Variants in ADARB2 observed in about 807,000 individuals in gnomAD.
ADARB2 encodes adenosine deaminase RNA specific B2 (inactive).
ADARB2 carries 25 observed loss-of-function variants against 62.2 expected under a neutral mutation model. The observed-to-expected ratio is 0.40, with a 90% CI of 0.29 to 0.56. The LOEUF (loss-of-function observed/expected upper bound fraction) is 0.56, where lower values mean the gene tolerates loss of function less well. Among genes scored for constraint, ADARB2 ranks in the 20% least tolerant of loss-of-function variants. The pLI is 0.43. For missense variants in ADARB2, 1,071 were observed against 1,077.4 expected (o/e 0.99, Z 0.08); for synonymous variants, 572 against 500.8 (o/e 1.14, Z -1.90).
At chr10:1,729,469 C>A (rs965646759) in intron 1 of ADARB2, among the ~76,000 whole-genome samples, 2 of 152,122 alleles carry the variant, frequency 1.3e-5, no homozygotes, top group African/African-American at 4.8e-5. Context: ...GTGAACCCAG[C>A]CAGACTTGGG....
chr10:1,512,276 T>C (rs1831947121), intron 1 of ADARB2, among the ~76,000 whole-genome samples: 1 of 152,180 alleles, frequency 6.6e-6, no homozygotes, highest in African/African-American at 2.4e-5. Context: ...GCTTCTACAC[T>C]GGATACTAAG....
intron 4 of ADARB2, among the ~76,000 whole-genome samples, chr10:1,248,180 G>A (rs1027265533): frequency 2.0e-5 from 3 of 152,184 alleles, no homozygotes; most frequent in Non-Finnish European, 2.9e-5. Flanking sequence ...CAAACAGGAA[G>A]CTCTGGAGTG....
chr10:1,625,487 G>A (rs969024145), intron 1 of ADARB2, among the ~76,000 whole-genome samples: 2 of 152,150 alleles, frequency 1.3e-5, no homozygotes, highest in South Asian at 4.1e-4. Context: ...TGAACAGACG[G>A]CAGGGAATGT....
intron 3 of ADARB2, among the ~76,000 whole-genome samples, chr10:1,327,200 ACAGCGCCTCCTCACAGTT>A (rs1233530236): frequency 9.4e-6 from 1 of 106,200 alleles, no homozygotes; most frequent in African/African-American, 3.6e-5. Flanking sequence ...TCCCCAAGGC[ACAGCGCCTCCTCACAGTT>A]CAGCGCCTCC....
At chr10:1,651,252 C>T (rs887322484) in intron 1 of ADARB2, among the ~76,000 whole-genome samples, 4 of 152,372 alleles carry the variant, frequency 2.6e-5, no homozygotes, top group Admixed American at 6.5e-5. Context: ...TAGGAACCAC[C>T]CTGTGCTTAA....
chr10:1,315,851 C>A, intron 3 of ADARB2, among the ~76,000 whole-genome samples: 1 of 152,160 alleles, frequency 6.6e-6, no homozygotes, highest in East Asian at 1.9e-4. Flanking sequence ...ATGTAAAAAT[C>A]AATAACTGGA....
chr10:1,264,514 C>G (rs1228165015), intron 4 of ADARB2, among the ~76,000 whole-genome samples: 3 of 152,186 alleles, frequency 2.0e-5, no homozygotes, highest in African/African-American at 7.2e-5. Flanking sequence ...TGTTTGATAA[C>G]CAGCTTTATC....
At chr10:1,295,836 C>G (rs1289364967) in intron 3 of ADARB2, among the ~76,000 whole-genome samples, 1 of 152,184 alleles carries the variant, frequency 6.6e-6, no homozygotes, top group African/African-American at 2.4e-5. Context: ...CTTTAAGACC[C>G]TGTTGATTCA....
At chr10:1,728,820 C>T (rs762492295) in intron 1 of ADARB2, among the ~76,000 whole-genome samples, 9 of 152,150 alleles carry the variant, frequency 5.9e-5, no homozygotes, top group Non-Finnish European at 1.2e-4. Flanking sequence ...TAATGCTTTG[C>T]TACACATCAA....
At chr10:1,602,972 ACAT>A (rs1411308511) in intron 1 of ADARB2, among the ~76,000 whole-genome samples, 15 of 151,398 alleles carry the variant, frequency 9.9e-5, no homozygotes, top group Admixed American at 5.3e-4. Flanking sequence ...ACACAGACAC[ACAT>A]CAACACGTGC....
chr10:1,510,114 T>TTCTTTCTC (rs1831910754), intron 1 of ADARB2, among the ~76,000 whole-genome samples: 3 of 59,458 alleles, frequency 5.0e-5, no homozygotes, highest in African/African-American at 1.3e-4. Context: ...CTTTCTCTCT[T>TTCTTTCTC]TCTTTCTTTC....
chr10:1,421,012 G>GCT (rs1264591157), intron 1 of ADARB2, among the ~76,000 whole-genome samples: 3 of 151,956 alleles, frequency 2.0e-5, no homozygotes, highest in African/African-American at 7.3e-5. Flanking sequence ...CACCTCCACT[G>GCT]CTCTCCATCT....
intron 8 of ADARB2, among the ~76,000 whole-genome samples, chr10:1,199,079 GT>G (rs1043796030): frequency 4.6e-5 from 7 of 152,176 alleles, no homozygotes; most frequent in African/African-American, 1.4e-4. Flanking sequence ...GGTTTTCTCC[GT>G]TTCCCCCACA....
chr10:1,305,117 GT>G (rs1460009764), intron 3 of ADARB2, among the ~76,000 whole-genome samples: 2 of 141,686 alleles, frequency 1.4e-5, no homozygotes, highest in African/African-American at 5.0e-5. Flanking sequence ...CCAGGAGCTG[GT>G]TTTTTGAAAG....
intron 1 of ADARB2, among the ~76,000 whole-genome samples, chr10:1,529,638 A>T (rs1178342425): frequency 6.6e-6 from 1 of 152,202 alleles, no homozygotes. Context: ...TCCCCCATTT[A>T]AAAAATAGCC....
At chr10:1,727,986 C>G (rs184391259) in intron 1 of ADARB2, among the ~76,000 whole-genome samples, 15 of 152,318 alleles carry the variant, frequency 9.8e-5, no homozygotes, top group Admixed American at 2.6e-4. Flanking sequence ...ATAGCACGCA[C>G]CATACTTTAA....
At chr10:1,464,944 G>A (rs1176575159) in intron 1 of ADARB2, among the ~76,000 whole-genome samples, 3 of 152,352 alleles carry the variant, frequency 2.0e-5, no homozygotes, top group Non-Finnish European at 2.9e-5. Flanking sequence ...AGACCCACAC[G>A]GGACTGCCCA....
At chr10:1,485,843 T>C (rs1831534602) in intron 1 of ADARB2, among the ~76,000 whole-genome samples, 1 of 152,232 alleles carries the variant, frequency 6.6e-6, no homozygotes, top group African/African-American at 2.4e-5. Context: ...ACTTGCAATG[T>C]GATTGTAATG....
intron 6 of ADARB2, among the ~76,000 whole-genome samples, chr10:1,220,809 A>G (rs1320195155): frequency 1.3e-5 from 2 of 152,238 alleles, no homozygotes; most frequent in African/African-American, 2.4e-5. Context: ...CATGAAGTAC[A>G]CTTGATAGCC....
Sources: gnomAD v4.1 joint callset for allele counts (sites outside exome capture counted in the v4.1 genomes callset) on GRCh38, gnomAD v4.1.1 for gene constraint, MANE v1.5 for transcripts, NCBI Gene and HGNC (gene_info 2026-07-23, HGNC 2026-07-21) for gene names.